ERC2: variants seen among roughly 807,000 people sequenced by gnomAD.
ERC2 encodes the protein ERC protein 2.
Under a neutral mutation model 114.8 loss-of-function variants are expected in ERC2, and 42 were observed. The observed-to-expected ratio is 0.37, with a 90% CI of 0.29 to 0.47. The LOEUF is 0.47. Among genes scored for constraint, ERC2 ranks in the 20% least tolerant of loss-of-function variants. The pLI is 0.99. For synonymous variants in ERC2, 454 were observed against 425.5 expected (o/e 1.07, Z -0.82); for missense variants, 939 against 1,150.7 (o/e 0.82, Z 2.66).
chr3:55,822,083 T>A (rs1198773860), intron 14 of ERC2, among the ~76,000 whole-genome samples: 1 of 152,236 alleles, frequency 6.6e-6, no homozygotes, highest in African/African-American at 2.4e-5. Flanking sequence ...ACTGTAAAAG[T>A]CCCCTTTGCT....
intron 17 of ERC2, chr3:55,606,906 G>T (rs1434107441): frequency 1.3e-5 from 2 of 152,438 alleles, no homozygotes; most frequent in Admixed American, 6.5e-5. Context: ...GGTTGGACAG[G>T]TGATCAATGT....
At chr3:55,808,968 AG>A (rs2059609867) in intron 14 of ERC2, among the ~76,000 whole-genome samples, 1 of 151,684 alleles carries the variant, frequency 6.6e-6, no homozygotes, top group South Asian at 2.1e-4. Context: ...TTGTCTACTA[AG>A]AAAAATGGTA....
At chr3:55,892,043 T>C (rs2063634839) in intron 13 of ERC2, among the ~76,000 whole-genome samples, 1 of 152,192 alleles carries the variant, frequency 6.6e-6, no homozygotes, top group Non-Finnish European at 1.5e-5. Context: ...AGCTCCTTCA[T>C]CTTTCTCAGC....
intron 1 of ERC2, among the ~76,000 whole-genome samples, 163 bp downstream of exon 1, chr3:56,468,085 A>G (rs6796830): frequency 0.84 from 126,203 of 151,114 alleles, 52,931 homozygotes; most frequent in East Asian, 0.92. Flanking sequence ...CCCCCCGCCC[A>G]AGAAAGCCCC....
intron 13 of ERC2, among the ~76,000 whole-genome samples, chr3:55,909,434 A>C (rs1559855148): frequency 6.6e-6 from 1 of 152,210 alleles, no homozygotes; most frequent in East Asian, 1.9e-4. Flanking sequence ...CCAAGGAGTC[A>C]AATTGTCAGA....
At chr3:56,047,611 T>G (rs1010619186) in intron 7 of ERC2, among the ~76,000 whole-genome samples, 3 of 152,208 alleles carry the variant, frequency 2.0e-5, no homozygotes, top group Admixed American at 6.5e-5. Flanking sequence ...ATGGGGAATA[T>G]TTGAAGTGAT....
intron 3 of ERC2, among the ~76,000 whole-genome samples, chr3:56,216,697 A>T (rs1488728646): frequency 3.9e-5 from 6 of 152,214 alleles, no homozygotes; most frequent in Admixed American, 3.9e-4. Context: ...AAAAAAGAGA[A>T]TTTTAGACCA....
chr3:56,191,455 T>C (rs1021028591), intron 3 of ERC2, among the ~76,000 whole-genome samples: 4 of 152,044 alleles, frequency 2.6e-5, no homozygotes, highest in Non-Finnish European at 4.4e-5. Flanking sequence ...CCAGTTTAGG[T>C]CTTCTTCATG....
chr3:56,008,644 G>A (rs1397357102), intron 9 of ERC2, among the ~76,000 whole-genome samples: 1 of 152,168 alleles, frequency 6.6e-6, no homozygotes. Flanking sequence ...CTAGGCTCTA[G>A]TCCTCAGTTA....
intron 6 of ERC2, among the ~76,000 whole-genome samples, chr3:56,128,065 T>A (rs980757446): frequency 1.3e-5 from 2 of 151,648 alleles, no homozygotes; most frequent in Non-Finnish European, 2.9e-5. Flanking sequence ...CTCAAAAAAA[T>A]AAATAAAAAT....
chr3:55,549,188 C>T (rs1050153536), intron 17 of ERC2, among the ~76,000 whole-genome samples: 1 of 152,158 alleles, frequency 6.6e-6, no homozygotes, highest in African/African-American at 2.4e-5. Context: ...AAGAACCTAT[C>T]ACCTCGAGCA....
At chr3:55,781,433 G>C (rs978592536) in intron 14 of ERC2, among the ~76,000 whole-genome samples, 1 of 152,070 alleles carries the variant, frequency 6.6e-6, no homozygotes, top group Non-Finnish European at 1.5e-5. Context: ...GAAGCCTGGG[G>C]GAAGAAACAT....
chr3:56,212,396 G>A (rs143523012), intron 3 of ERC2, among the ~76,000 whole-genome samples: 89 of 152,018 alleles, frequency 5.9e-4, no homozygotes, highest in African/African-American at 1.8e-3. Flanking sequence ...AATCAAAACC[G>A]CAATGTGATA....
intron 14 of ERC2, among the ~76,000 whole-genome samples, chr3:55,781,039 A>G (rs933353857): frequency 1.3e-5 from 2 of 152,184 alleles, no homozygotes; most frequent in Non-Finnish European, 2.9e-5. Flanking sequence ...GTGGTATGTC[A>G]CCCAAATACA....
At chr3:55,602,438 G>T (rs958737525) in intron 17 of ERC2, among the ~76,000 whole-genome samples, 1 of 152,224 alleles carries the variant, frequency 6.6e-6, no homozygotes, top group African/African-American at 2.4e-5. Context: ...TCAGACAGAG[G>T]CACCATAAGA....
chr3:55,778,833 A>T (rs1334747903), intron 14 of ERC2, among the ~76,000 whole-genome samples: 1 of 152,208 alleles, frequency 6.6e-6, no homozygotes, highest in Non-Finnish European at 1.5e-5. Context: ...GTAAAACAAC[A>T]ACAAGTAAAA....
chr3:55,522,781 A>G (rs2053049701), intron 17 of ERC2, among the ~76,000 whole-genome samples: 1 of 152,210 alleles, frequency 6.6e-6, no homozygotes, highest in Non-Finnish European at 1.5e-5. Flanking sequence ...AAATGTCTCC[A>G]CGTGTAACTG....
At position 56,446,772 on chromosome 3, in the gene ERC2, C is replaced by G. The variant is rs567446387; in HGVS notation, c.-140-11625G>C. On this transcript the variant is annotated intron_variant, in intron 1 of 17. Transcript: ENST00000288221. ...TCCCGAGTAGCTGGGATTACAGGCG[C>G]GCATCACCACACCCGGCTAATTTTT... is the stretch of plus-strand genomic sequence containing the variant. 2.6e-5 allele frequency among the ~76,000 whole-genome samples: 4 copies of G among 151,096 alleles called. No homozygotes were observed. The South Asian group carries it at 6.3e-4, about 24-fold the overall frequency.
At position 55,716,272 on chromosome 3, in the gene ERC2, A is replaced by G. The variant is rs189340226; in HGVS notation, c.2713-16760T>C. Among the ~76,000 whole-genome samples, 3 of 152,292 alleles carry G rather than the reference A, an allele frequency of 2.0e-5. No homozygotes were observed. The East Asian group carries it at 5.8e-4, about 29-fold the overall frequency. On this transcript the variant is annotated intron_variant, in intron 15 of 17. Transcript: ENST00000288221. ...TTCCCCCACAGAAACTCTCCCAAAG[A>G]TTGTCTGTCTCTAATTACAAGCACA...
Sources: gnomAD v4.1 joint callset for allele counts (sites outside exome capture counted in the v4.1 genomes callset) on GRCh38, gnomAD v4.1.1 for gene constraint, MANE v1.5 for transcripts, NCBI Gene and HGNC (gene_info 2026-07-23, HGNC 2026-07-21) for gene names.